The following COG3 variants were observed in gnomAD, a reference collection of about 807,000 sequenced individuals.
COG3 encodes conserved oligomeric Golgi complex subunit 3.
COG3 carries 32 observed loss-of-function variants against 114.1 expected under a neutral mutation model. That is an observed-to-expected ratio of 0.28 (90% CI 0.21 to 0.38). The LOEUF is 0.38. Ranked by LOEUF, COG3 falls within the 10% of genes least tolerant of loss-of-function variation. COG3 has a pLI of 1.00. For synonymous variants in COG3, 352 were observed against 365.7 expected, an observed-to-expected ratio of 0.96 and a Z score of 0.43; for missense variants, 813 against 973.2, an observed-to-expected ratio of 0.84 and a Z score of 2.19.
chr13:45,516,019 A>G (rs1292313261), intron 16 of COG3, 124 bp from the exon 17 acceptor site: 1 of 645,826 alleles, frequency 1.5e-6, no homozygotes, highest in Non-Finnish European at 2.3e-6. Context: ...TTGCACAACT[A>G]AAGAGAATTG....
intron 14 of COG3, among the ~76,000 whole-genome samples, chr13:45,507,629 G>A (rs751641289): frequency 1.7e-4 from 26 of 152,074 alleles, no homozygotes; most frequent in Non-Finnish European, 3.5e-4. Flanking sequence ...GCTGGGTGTG[G>A]TGGCACATGC....
At chr13:45,493,246 T>G in intron 11 of COG3, 101 bp from the exon 12 acceptor site, 1 of 891,564 alleles carries the variant, frequency 1.1e-6, no homozygotes, top group Non-Finnish European at 1.8e-6. Context: ...AGTAGATACT[T>G]ATTGTTCTTA....
At chr13:45,534,544 A>AT (rs1462673048) in intron 22 of COG3, 158 bp from the exon 23 acceptor site, 1 of 423,564 alleles carries the variant, frequency 2.4e-6, no homozygotes, top group Non-Finnish European at 4.2e-6. Context: ...TTCAACTTTT[A>AT]TTTTAGATTC....
chr13:45,524,895 C>A, intron 19 of COG3, 81 bp from the exon 20 acceptor site: 2 of 955,714 alleles, frequency 2.1e-6, no homozygotes, highest in Non-Finnish European at 3.2e-6. Flanking sequence ...CCCTTGAGAG[C>A]AGTACCACCC....
At chr13:45,525,091 G>A (rs1555299994) in intron 20 of COG3, 40 bp downstream of exon 20, 1 of 1,567,326 alleles carries the variant, frequency 6.4e-7, no homozygotes, top group Non-Finnish European at 8.8e-7. Context: ...TTTTTAGGAT[G>A]TTATTAGTTT....
intron 1 of COG3, among the ~76,000 whole-genome samples, chr13:45,474,220 C>T (rs76309754): frequency 0.016 from 2,068 of 132,970 alleles, 41 homozygotes; most frequent in African/African-American, 0.048. Context: ...TGCAGTGGCT[C>T]GATCTCGGCT....
Position 45,513,848 on chromosome 13 carries a change from A to G in COG3, c.1809+1994A>G, listed in dbSNP as rs531983371. ...TTACATAAATTGTGGCATGTTTTAT[A>G]TAACAATATTACACAGTCATTAAAT... On this transcript the variant is annotated intron_variant, in intron 16 of 22. Transcript: ENST00000349995. 2.6e-4 allele frequency among the ~76,000 whole-genome samples: 39 copies of G among 152,136 alleles called. No homozygotes were observed. In the South Asian group the frequency reaches 7.5e-3, roughly 29 times the overall value.
rs753556590 is a variant in COG3 at position 45,530,747 on chromosome 13, C to T, written c.2424C>T (p.Asp808=). 3.4e-5 allele frequency: 55 copies of T among 1,613,028 alleles called. No individual in the cohort carries two copies. The highest frequency in any genetic ancestry group is 3.7e-5 in the Non-Finnish European group (44 of 1,179,154). The change falls in exon 22 of 23, where the codon GAC becomes GAT. Residue 808 remains aspartate, a synonymous_variant. Coordinates refer to ENST00000349995, the MANE Select transcript of COG3 (RefSeq NM_031431.4). The part of the protein sequence containing the change: ...ALLKEEFSPE[D]IQIIACPSME... The stretch of plus-strand genomic sequence containing the variant: ...TAAAGGAAGAGTTCAGCCCTGAAGA[C>T]ATCCAGATCATTGCCTGTCCATCTA...
chr13:45,498,520 ATTC>A (rs1254471734), intron 13 of COG3, among the ~76,000 whole-genome samples: 1 of 152,040 alleles, frequency 6.6e-6, no homozygotes, highest in Non-Finnish European at 1.5e-5. Flanking sequence ...GTCCAGTTTC[ATTC>A]TTCTGCATGT....
intron 19 of COG3, among the ~76,000 whole-genome samples, chr13:45,521,412 C>G (rs1872118868): frequency 6.6e-6 from 1 of 151,536 alleles, no homozygotes; most frequent in Admixed American, 6.6e-5. Context: ...TAGTTGCCTC[C>G]CTTTTCCTCT....
At chr13:45,482,570 A>T in intron 6 of COG3, 97 bp downstream of exon 6, 1 of 577,730 alleles carries the variant, frequency 1.7e-6, no homozygotes, top group East Asian at 3.0e-5. Flanking sequence ...TGTTTAGCAG[A>T]TGTTCCTATT....
intron 16 of COG3, among the ~76,000 whole-genome samples, chr13:45,514,519 C>T (rs910441112): frequency 2.0e-5 from 3 of 152,134 alleles, no homozygotes; most frequent in Admixed American, 6.5e-5. Context: ...CTTTTGCCCT[C>T]CTTATCTGTA....
rs549603867 is a variant in COG3, at chr13:45,494,616, C to G, written c.1327+1130C>G. ...TCTCGGCTCACTACAACCTCTGCCT[C>G]CCGGGGTCAAGTGATCTCCCACCTC... On this transcript the variant is annotated intron_variant, in intron 12 of 22. Transcript: ENST00000349995. 6.5e-3 allele frequency among the ~76,000 whole-genome samples: 986 copies of G among 152,062 alleles called. 13 individuals carry two copies. Among genetic ancestry groups the G allele is most frequent in the African/African-American group, 0.022 (916 of 41,484 alleles).
At chr13:45,530,158 A>C (rs1424116211) in intron 21 of COG3, among the ~76,000 whole-genome samples, 1 of 152,214 alleles carries the variant, frequency 6.6e-6, no homozygotes, top group Non-Finnish European at 1.5e-5. Context: ...GAAATTAGTA[A>C]ATAAACCAAA....
At position 45,465,119 on chromosome 13, in the gene COG3, G is replaced by T. The variant is rs1054413377; in HGVS notation, c.83G>T (p.Arg28Ile). Reference sequence around the variant, plus strand: ...GAAAAGCTGGCTCTCTGGGATCGGAGACCGGACACGACGGCGCCGCTGACC... The same window carrying T: ...GAAAAGCTGGCTCTCTGGGATCGGATACCGGACACGACGGCGCCGCTGACC... Reference protein sequence around the residue: ...AREKLALWDRRPDTTAPLTDR... With the variant: ...AREKLALWDRIPDTTAPLTDR... Residue 28 changes from arginine (R) to isoleucine (I), a missense_variant, in exon 1 of 23, where the codon AGA becomes ATA. This residue lies in a region of COG3 where 424 missense variants were observed against 430.6 expected (regional missense o/e 0.98). Transcript: ENST00000349995. The T allele has an allele frequency of 9.9e-6, 16 of 1,613,234 alleles. No individual in the cohort carries two copies. In the East Asian group the frequency reaches 3.6e-4, roughly 36 times the overall value.
chr13:45,522,738 C>T (rs1261337974), intron 19 of COG3, among the ~76,000 whole-genome samples: 2 of 152,188 alleles, frequency 1.3e-5, no homozygotes, highest in Non-Finnish European at 2.9e-5. Context: ...TATTCTAAGG[C>T]TTAGGAGTAG....
In COG3 at chr13:45,516,132, T is replaced by A. The variant is rs569866986; in HGVS notation, c.1810-11T>A. 8.4e-6 allele frequency: 13 copies of A among 1,548,636 alleles called. No homozygotes were observed. In the South Asian group the frequency reaches 1.3e-4, roughly 16 times the overall value. ...ATGTGATCATATCCATTTTTCTGTC[T>A]TATAATTTAGACTCAGATTGATGGA... is the stretch of plus-strand genomic sequence containing the variant. On this transcript the variant is annotated splice_polypyrimidine_tract_variant and intron_variant, in intron 16 of 22. Coordinates refer to ENST00000349995, the MANE Select transcript of COG3 (RefSeq NM_031431.4).
intron 13 of COG3, among the ~76,000 whole-genome samples, chr13:45,502,132 G>A (rs897395503): frequency 1.3e-5 from 2 of 152,108 alleles, no homozygotes; most frequent in African/African-American, 4.8e-5. Context: ...ATTTGCAGGA[G>A]CTGCCTTGAC....
In COG3 at chr13:45,535,094, C is replaced by T. The variant is rs935014994; in HGVS notation, c.*363C>T. ...TGCAAAGAACTTTACAGAAATCAAG[C>T]GAATTAGAAGGCCTGTAAGAGTAAG... On this transcript the variant is annotated 3_prime_UTR_variant, in exon 23 of 23. Transcript: ENST00000349995. The T allele has an allele frequency of 9.7e-6, 10 of 1,033,742 alleles. No homozygotes were observed. The African/African-American group carries it at 1.0e-4, about 10-fold the overall frequency. The allele number at this position is 1,033,742 out of a possible 1,614,324, so 64.0% of individuals were successfully genotyped here.
Sources: allele counts gnomAD v4.1 joint callset (sites outside exome capture counted in the v4.1 genomes callset), GRCh38; gene constraint gnomAD v4.1.1; regional missense constraint gnomAD v4.1.1; transcripts MANE v1.5; gene names NCBI Gene and HGNC (gene_info 2026-07-23, HGNC 2026-07-21).